Variants in NIPBL observed in about 807,000 individuals in gnomAD.
NIPBL encodes the protein nipped-B-like protein.
Under a neutral mutation model 321.8 loss-of-function variants are expected in NIPBL, and 19 were observed. The observed-to-expected ratio is 0.06, with a 90% CI of 0.04 to 0.09. The LOEUF (loss-of-function observed/expected upper bound fraction) is 0.09. Ranked by LOEUF, NIPBL falls within the 10% of genes least tolerant of loss-of-function variation. The pLI is 1.00. For synonymous variants in NIPBL, 1,106 were observed against 1,114.1 expected, an observed-to-expected ratio of 0.99 and a Z score of 0.14; for missense variants, 2,210 against 3,327.0, an observed-to-expected ratio of 0.66 and a Z score of 8.26.
At chr5:36,983,092 T>C (rs899579376) in intron 9 of NIPBL, among the ~76,000 whole-genome samples, 10 of 151,946 alleles carry the variant, frequency 6.6e-5, no homozygotes, top group African/African-American at 2.4e-4. Context: ...AAAAGAGGAT[T>C]CTATAAACAT....
At position 36,984,837 on chromosome 5, in the gene NIPBL, T is replaced by C. The variant is rs774111235; in HGVS notation, c.1657T>C (p.Ser553Pro). Residue 553 changes from serine (S) to proline (P), a missense_variant, in exon 10 of 47, where the codon TCT becomes CCT. This residue lies in a region of NIPBL where 588 missense variants were observed against 564.1 expected (regional missense o/e 1.04). Transcript: ENST00000282516. Reference sequence around the variant, plus strand: ...TCTTCATCAGGCAGGAAGAGTGGACTCTCAGGCTTCTATAACTCAGGATTC... The same window carrying C: ...TCTTCATCAGGCAGGAAGAGTGGACCCTCAGGCTTCTATAACTCAGGATTC... ...IDLHQAGRVD[S>P]QASITQDSDS... 6.2e-7 allele frequency: 1 copy of C among 1,613,874 alleles called. No homozygotes were observed. The highest frequency in any genetic ancestry group is 1.7e-5 in the Admixed American group (1 of 59,974).
chr5:36,900,892 T>G (rs915477319), intron 1 of NIPBL, among the ~76,000 whole-genome samples: 1 of 152,182 alleles, frequency 6.6e-6, no homozygotes, highest in Non-Finnish European at 1.5e-5. Flanking sequence ...TTTGATGCCT[T>G]CCTTGTCTCT....
intron 44 of NIPBL, among the ~76,000 whole-genome samples, 186 bp from the exon 45 acceptor site, chr5:37,060,658 G>A (rs1754570995): frequency 6.6e-6 from 1 of 152,184 alleles, no homozygotes; most frequent in African/African-American, 2.4e-5. Context: ...GCAACTAGTA[G>A]AAAGAGGTAA....
rs1383929876 is a variant in NIPBL, at chr5:37,006,561, C to T, written c.4060C>T (p.Pro1354Ser). The change falls in exon 17 of 47, where the codon CCT (proline) becomes TCT (serine). Residue 1354 changes from proline to serine, a missense_variant. Pro to Ser is a moderately conservative substitution (Grantham distance 74). Coordinates refer to ENST00000282516, the MANE Select transcript of NIPBL (RefSeq NM_133433.4). The stretch of plus-strand genomic sequence containing the variant: ...GAATACACTTTATCCTCAGTATGAT[C>T]CTGTTTACAGATTAGATCCTCATGG... ...LQNTLYPQYD[P>S]VYRLDPHGGG... The T allele has an allele frequency of 6.2e-7, 1 of 1,605,858 alleles. No homozygotes were observed. Among genetic ancestry groups the T allele is most frequent in the Non-Finnish European group, 8.5e-7 (1 of 1,173,396 alleles).
chr5:36,909,402 C>T (rs1156908655), intron 1 of NIPBL, among the ~76,000 whole-genome samples: 1 of 152,012 alleles, frequency 6.6e-6, no homozygotes, highest in African/African-American at 2.4e-5. Flanking sequence ...TATTTTGTTC[C>T]AAGATTGATG....
At chr5:36,929,668 A>G (rs1749632241) in intron 1 of NIPBL, among the ~76,000 whole-genome samples, 1 of 152,226 alleles carries the variant, frequency 6.6e-6, no homozygotes, top group South Asian at 2.1e-4. Flanking sequence ...AAGGTCACAG[A>G]TGTTTTCTCC....
chr5:36,955,939 T>C (rs937015581), intron 3 of NIPBL, among the ~76,000 whole-genome samples: 2 of 151,836 alleles, frequency 1.3e-5, no homozygotes, highest in South Asian at 4.2e-4. Flanking sequence ...ACTATATCCC[T>C]GTCTGGGCGC....
At chr5:36,976,986 G>A (rs1319736578) in intron 9 of NIPBL, among the ~76,000 whole-genome samples, 2 of 151,932 alleles carry the variant, frequency 1.3e-5, no homozygotes, top group African/African-American at 2.4e-5. Flanking sequence ...GTTCCCTTTT[G>A]TCTGACTAGT....
intron 38 of NIPBL, among the ~76,000 whole-genome samples, chr5:37,046,809 G>C (rs771190138): frequency 6.6e-6 from 1 of 152,076 alleles, no homozygotes; most frequent in East Asian, 1.9e-4. Context: ...GAAATAGGAG[G>C]TGAATGGCAT....
intron 38 of NIPBL, among the ~76,000 whole-genome samples, chr5:37,047,007 G>A (rs190325803): frequency 2.8e-4 from 42 of 152,156 alleles, no homozygotes; most frequent in Admixed American, 2.4e-3. Context: ...TACTAAATAT[G>A]TACAGACTTT....
rs190883302 is a variant in NIPBL, at chr5:37,015,645, G to A, written c.4644-393G>A. On this transcript the variant is annotated intron_variant, in intron 22 of 46. Coordinates refer to ENST00000282516, the MANE Select transcript of NIPBL (RefSeq NM_133433.4). ...CTTGAGAGGCTGAGGCAGGAGAATC[G>A]CTGGAACCCGGGAGGTGGAGGGTTG... is the stretch of plus-strand genomic sequence containing the variant. Among the ~76,000 whole-genome samples, 220 of 152,196 alleles carry A rather than the reference G, an allele frequency of 1.4e-3. 5 individuals carry two copies. The highest frequency in any genetic ancestry group is 6.9e-3 in the Admixed American group (106 of 15,304).
intron 1 of NIPBL, among the ~76,000 whole-genome samples, chr5:36,948,970 G>A (rs1327953074): frequency 6.6e-6 from 1 of 151,826 alleles, no homozygotes; most frequent in Non-Finnish European, 1.5e-5. Context: ...TGAGACATCT[G>A]TATAAATGAA....
chr5:37,052,670 A>T, intron 42 of NIPBL, 104 bp downstream of exon 42: 2 of 843,346 alleles, frequency 2.4e-6, no homozygotes, highest in Non-Finnish European at 3.8e-6. Context: ...ATATGATAGT[A>T]ACTTCATTAA....
At chr5:37,005,967 G>A (rs2149676177) in intron 16 of NIPBL, among the ~76,000 whole-genome samples, 1 of 152,136 alleles carries the variant, frequency 6.6e-6, no homozygotes, top group South Asian at 2.1e-4. Flanking sequence ...TTTTTGCTTT[G>A]TTATCACAGC....
intron 30 of NIPBL, 30 bp downstream of exon 30, chr5:37,024,749 C>A (rs1750059960): frequency 1.3e-6 from 2 of 1,563,244 alleles, no homozygotes; most frequent in African/African-American, 1.4e-5. Context: ...ATTTATTTTT[C>A]ATTAATGTTT....
At chr5:37,009,235 C>T (rs75831582) in intron 20 of NIPBL, among the ~76,000 whole-genome samples, 3 of 138,780 alleles carry the variant, frequency 2.2e-5, no homozygotes, top group African/African-American at 5.3e-5. Context: ...TTTTGTGTCT[C>T]AAAAAAAAAA....
intron 1 of NIPBL, among the ~76,000 whole-genome samples, chr5:36,928,924 A>G (rs1007247899): frequency 3.3e-5 from 5 of 152,194 alleles, no homozygotes; most frequent in Non-Finnish European, 4.4e-5. Flanking sequence ...AGATACTTAT[A>G]TAATTTCCAG....
At chr5:36,983,907 G>A (rs544995756) in intron 9 of NIPBL, among the ~76,000 whole-genome samples, 12 of 152,070 alleles carry the variant, frequency 7.9e-5, no homozygotes, top group Admixed American at 6.6e-4. Context: ...TCGAAGAGTA[G>A]GAACTGTTTC....
chr5:36,925,106 A>G (rs1749250178), intron 1 of NIPBL, among the ~76,000 whole-genome samples: 1 of 152,188 alleles, frequency 6.6e-6, no homozygotes, highest in African/African-American at 2.4e-5. Flanking sequence ...CTGAAGATTA[A>G]TGTTATCTAG....
Sources: gnomAD v4.1 joint callset for allele counts (sites outside exome capture counted in the v4.1 genomes callset) on GRCh38, gnomAD v4.1.1 for gene constraint, gnomAD v4.1.1 regional missense constraint, MANE v1.5 for transcripts, NCBI Gene and HGNC (gene_info 2026-07-23, HGNC 2026-07-21) for gene names.